Variants in CEPT1 observed in about 807,000 individuals in gnomAD.
The protein encoded by CEPT1 is choline/ethanolamine phosphotransferase 1.
A neutral mutation model predicts 42.6 loss-of-function variants in CEPT1; 7 were observed. The ratio of observed to expected loss-of-function variants is 0.16; its 90% CI spans 0.09 to 0.31. The LOEUF (loss-of-function observed/expected upper bound fraction) is 0.31. Among genes scored for constraint, CEPT1 ranks in the 10% least tolerant of loss-of-function variants. CEPT1 has a pLI of 1.00. For missense variants in CEPT1, 306 were observed against 502.1 expected, an observed-to-expected ratio of 0.61 and a Z score of 3.73; for synonymous variants, 171 against 171.9, an observed-to-expected ratio of 0.99 and a Z score of 0.04.
At chr1:111,182,480 C>T (rs995293194) in intron 6 of CEPT1, 162 bp downstream of exon 6, 1 of 727,118 alleles carries the variant, frequency 1.4e-6, no homozygotes, top group Non-Finnish European at 2.2e-6. Context: ...TATATACTTA[C>T]CCACATTTAT....
Position 111,182,893 on chromosome 1 carries a change from A to G in CEPT1, c.941A>G (p.Lys314Arg), listed in dbSNP as rs750250181. 2 of 1,613,852 alleles carry G rather than the reference A, an allele frequency of 1.2e-6. No individual in the cohort carries two copies. The highest frequency in any genetic ancestry group is 1.7e-6 in the Non-Finnish European group (2 of 1,179,762). The change falls in exon 7 of 9, where the codon AAG (lysine) becomes AGG (arginine). Residue 314 changes from lysine (K) to arginine (R), a missense_variant. Transcript: ENST00000357172. The part of the protein sequence containing the change: ...YKKSAVQLFE[K>R]HPCLYILTFG... ...AAATCTGCAGTTCAGCTTTTTGAAA[A>G]GCATCCCTGTCTTTATATACTGACA... is the stretch of plus-strand genomic sequence containing the variant.
chr1:111,153,599 A>G (rs1430127648), intron 2 of CEPT1, among the ~76,000 whole-genome samples: 1 of 152,220 alleles, frequency 6.6e-6, no homozygotes, highest in Non-Finnish European at 1.5e-5. Context: ...TTATACTACT[A>G]GGTCTCACAT....
At chr1:111,158,396 T>C (rs1467694893) in intron 2 of CEPT1, among the ~76,000 whole-genome samples, 1 of 152,120 alleles carries the variant, frequency 6.6e-6, no homozygotes, top group East Asian at 1.9e-4. Flanking sequence ...TACCAGCAGT[T>C]CAATTTCTGT....
At chr1:111,154,143 T>A (rs760839032) in intron 2 of CEPT1, among the ~76,000 whole-genome samples, 11 of 151,810 alleles carry the variant, frequency 7.2e-5, no homozygotes, top group Non-Finnish European at 1.6e-4. Flanking sequence ...TTTGTAGTTT[T>A]CATTGTGGAG....
At chr1:111,171,669 C>T (rs1316934022) in intron 4 of CEPT1, among the ~76,000 whole-genome samples, 6 of 152,148 alleles carry the variant, frequency 3.9e-5, no homozygotes, top group Admixed American at 2.0e-4. Context: ...TGGGTTATCC[C>T]CAGTAACTGG....
chr1:111,170,742 A>T (rs905818181), intron 4 of CEPT1, among the ~76,000 whole-genome samples: 1 of 152,180 alleles, frequency 6.6e-6, no homozygotes, highest in Non-Finnish European at 1.5e-5. Context: ...GTTAATAGCT[A>T]TCTAATCCTT....
At chr1:111,162,214 C>G (rs1340582809) in intron 4 of CEPT1, among the ~76,000 whole-genome samples, 2 of 152,178 alleles carry the variant, frequency 1.3e-5, no homozygotes, top group Non-Finnish European at 2.9e-5. Context: ...TTAGAAAGAT[C>G]AGTCTGGCAG....
chr1:111,182,154 GT>G (rs1382865325), intron 5 of CEPT1, 32 bp from the exon 6 acceptor site: 1 of 1,512,776 alleles, frequency 6.6e-7, no homozygotes, highest in Non-Finnish European at 9.0e-7. Flanking sequence ...GTTTGTATAT[GT>G]TTTAATTGTT....
rs1399573996 is a variant in CEPT1 at position 111,174,936 on chromosome 1, T to C, written c.687T>C (p.Ile229=). ...TAATCATGCATTTGCTGGCAGTGAT[T>C]GGAGGACCACCTTTTTGGCAATCTA... The part of the protein sequence containing the change: ...FIIIMHLLAV[I]GGPPFWQSMI... Residue 229 remains isoleucine, a synonymous_variant, in exon 5 of 9, where the codon ATT becomes ATC. Transcript: ENST00000357172. 4 of 1,611,820 alleles carry C rather than the reference T, an allele frequency of 2.5e-6. No individual in the cohort carries two copies. The Admixed American group carries it at 6.7e-5, about 27-fold the overall frequency.
rs375077360 is a variant in CEPT1 at position 111,183,067 on chromosome 1, T to C, written c.1005+110T>C. 6 of 1,073,242 alleles carry C rather than the reference T, an allele frequency of 5.6e-6. No individual in the cohort carries two copies. In the South Asian group the frequency reaches 6.5e-5, roughly 12 times the overall value. The allele number at this position is 1,073,242 out of a possible 1,614,324, so 66.5% of individuals were successfully genotyped here. A position where few individuals can be genotyped will look rare whatever the true frequency, so the allele number is the denominator to read the frequency against. On this transcript the variant is annotated intron_variant, in intron 7 of 8. Transcript: ENST00000357172. ...ATAAATGGTCCTAGAGTTTGCCCTC[T>C]TCTAATCAGAATCTCTTGATATCAA...
chr1:111,149,605 TA>T (rs1655164490), intron 2 of CEPT1, among the ~76,000 whole-genome samples: 1 of 152,182 alleles, frequency 6.6e-6, no homozygotes, highest in Non-Finnish European at 1.5e-5. Context: ...TTAGGATACT[TA>T]AAAAACACAA....
chr1:111,148,513 C>T (rs1005473445), intron 2 of CEPT1, among the ~76,000 whole-genome samples: 3 of 152,012 alleles, frequency 2.0e-5, no homozygotes, highest in South Asian at 4.1e-4. Flanking sequence ...ACATGTATGC[C>T]TGAAGACTTC....
intron 4 of CEPT1, among the ~76,000 whole-genome samples, chr1:111,170,720 T>G (rs1045824474): frequency 2.6e-5 from 4 of 152,158 alleles, no homozygotes; most frequent in Admixed American, 2.6e-4. Flanking sequence ...TACAGATAAT[T>G]ATAAACCTGG....
intron 1 of CEPT1, among the ~76,000 whole-genome samples, chr1:111,141,405 TAA>T (rs781735126): frequency 4.6e-5 from 7 of 152,226 alleles, no homozygotes; most frequent in Non-Finnish European, 8.8e-5. Flanking sequence ...ATTTAAGAAA[TAA>T]GTTAGTAAAT....
intron 5 of CEPT1, among the ~76,000 whole-genome samples, chr1:111,175,604 G>A (rs767668112): frequency 6.6e-5 from 10 of 152,160 alleles, no homozygotes; most frequent in Non-Finnish European, 1.0e-4. Flanking sequence ...AATCTGTTGC[G>A]TAACTCTCTC....
chr1:111,173,703 A>G (rs1288769463), intron 4 of CEPT1, among the ~76,000 whole-genome samples: 1 of 152,110 alleles, frequency 6.6e-6, no homozygotes, highest in East Asian at 1.9e-4. Flanking sequence ...GGTAGCCACC[A>G]CTCTTAGTTT....
At chr1:111,144,135 C>G (rs1246987738) in intron 1 of CEPT1, among the ~76,000 whole-genome samples, 1 of 152,178 alleles carries the variant, frequency 6.6e-6, no homozygotes, top group Admixed American at 6.5e-5. Context: ...GCCACCTACC[C>G]TATGCGGCTC....
intron 1 of CEPT1, among the ~76,000 whole-genome samples, chr1:111,142,581 G>A (rs57612268): frequency 0.039 from 5,934 of 152,286 alleles, 193 homozygotes; most frequent in East Asian, 0.17. Context: ...CTTGAACCCA[G>A]GAGGAGGGGT....
chr1:111,175,022 C>T, intron 5 of CEPT1, 59 bp downstream of exon 5: 1 of 1,026,524 alleles, frequency 9.7e-7, no homozygotes, highest in Non-Finnish European at 1.6e-6. Context: ...CTTGTGTTTT[C>T]TAATATGGGA....
Sources: gnomAD v4.1 joint callset for allele counts (sites outside exome capture counted in the v4.1 genomes callset) on GRCh38, gnomAD v4.1.1 for gene constraint, MANE v1.5 for transcripts, NCBI Gene and HGNC (gene_info 2026-07-23, HGNC 2026-07-21) for gene names.